The following ZMYND8 variants were observed in gnomAD, a reference collection of about 807,000 sequenced individuals.
The protein encoded by ZMYND8 is MYND-type zinc finger-containing chromatin reader ZMYND8.
ZMYND8 carries 37 observed loss-of-function variants against 140.8 expected under a neutral mutation model. The ratio of observed to expected loss-of-function variants is 0.26; its 90% CI spans 0.20 to 0.35. ZMYND8 has a LOEUF of 0.35. Ranked by LOEUF, ZMYND8 falls within the 10% of genes least tolerant of loss-of-function variation. ZMYND8 has a pLI of 1.00. For synonymous variants in ZMYND8, 592 were observed against 597.1 expected, an observed-to-expected ratio of 0.99 and a Z score of 0.12; for missense variants, 1,068 against 1,570.0, an observed-to-expected ratio of 0.68 and a Z score of 5.40.
At chr20:47,268,889 G>A (rs766506381) in intron 11 of ZMYND8, among the ~76,000 whole-genome samples, 7 of 152,126 alleles carry the variant, frequency 4.6e-5, no homozygotes, top group Non-Finnish European at 8.8e-5. Context: ...CTAAAAGAGT[G>A]ATTAACAATC....
rs1015578451 is a variant in ZMYND8 at position 47,210,179 on chromosome 20, G to A, written c.*582C>T. ...TTAGGAACGTGGTAACGTAGTAGCT[G>A]AAAGGAGCCAACGGCTTGATGGGAT... On this transcript the variant is annotated 3_prime_UTR_variant, in exon 23 of 23. Transcript: ENST00000471951. 6.5e-6 allele frequency: 1 copy of A among 152,944 alleles called. No homozygotes were observed. Among genetic ancestry groups the A allele is most frequent in the Non-Finnish European group, 1.5e-5 (1 of 68,236 alleles). 9.5% of individuals were successfully genotyped at this position (152,944 alleles called of 1,614,324 possible). A position where few individuals can be genotyped will look rare whatever the true frequency, so the allele number is the denominator to read the frequency against.
intron 21 of ZMYND8, among the ~76,000 whole-genome samples, chr20:47,216,495 CAAA>C (rs10536216): frequency 1.2e-3 from 70 of 59,448 alleles, no homozygotes; most frequent in African/African-American, 3.9e-3. Flanking sequence ...GACTCTGTCT[CAAA>C]AAAAAAAAAA....
At chr20:47,254,317 C>A (rs1323927801) in intron 12 of ZMYND8, among the ~76,000 whole-genome samples, 5 of 152,160 alleles carry the variant, frequency 3.3e-5, no homozygotes, top group Admixed American at 3.3e-4. Context: ...TGGGCGATAC[C>A]TCTCAAAATG....
At chr20:47,297,645 G>A (rs1204254162) in intron 4 of ZMYND8, among the ~76,000 whole-genome samples, 1 of 152,062 alleles carries the variant, frequency 6.6e-6, no homozygotes, top group Non-Finnish European at 1.5e-5. Context: ...GACAGGTCTT[G>A]AACTCCTGGG....
At chr20:47,234,504 G>C (rs2038957209) in intron 16 of ZMYND8, among the ~76,000 whole-genome samples, 1 of 152,198 alleles carries the variant, frequency 6.6e-6, no homozygotes, top group Non-Finnish European at 1.5e-5. Context: ...TTGAGCCTTT[G>C]TGTGAGTCCC....
At chr20:47,334,595 GAAA>G (rs58024466) in intron 2 of ZMYND8, among the ~76,000 whole-genome samples, 1 of 139,266 alleles carries the variant, frequency 7.2e-6, no homozygotes, top group African/African-American at 2.7e-5. Context: ...ACAACTCTGT[GAAA>G]AAAAAAAATA....
chr20:47,305,904 T>C (rs887369289), intron 3 of ZMYND8, among the ~76,000 whole-genome samples: 18 of 152,266 alleles, frequency 1.2e-4, no homozygotes, highest in African/African-American at 4.1e-4. Context: ...GGGCAAGGCA[T>C]TTCTTGCCCC....
Position 47,239,094 on chromosome 20 carries a change from G to A in ZMYND8, c.2329C>T (p.Pro777Ser), listed in dbSNP as rs769574932. The A allele has an allele frequency of 6.6e-6, 10 of 1,521,284 alleles. No individual in the cohort carries two copies. Among genetic ancestry groups the A allele is most frequent in the African/African-American group, 1.4e-5 (1 of 72,184 alleles). 94.2% of individuals were successfully genotyped at this position (1,521,284 alleles called of 1,614,324 possible). ...PPSTTVGSHS[P>S]PETPVLTRSS... ...CGGGTGAGCACCGGTGTTTCCGGGG[G>A]AGAATGGCTGCCCACCGTCGTGGAT... Residue 777 changes from proline to serine, a missense_variant, in exon 15 of 23, where the codon CCC becomes TCC. By Grantham distance (74) the Pro-to-Ser change is moderately conservative. Around this residue, in one of 10 missense-constraint regions of ZMYND8, gnomAD observed 383 missense variants for 431.2 expected, o/e 0.89. Transcript: ENST00000471951.
At chr20:47,341,130 C>T (rs1003671836) in intron 2 of ZMYND8, among the ~76,000 whole-genome samples, 3 of 151,860 alleles carry the variant, frequency 2.0e-5, no homozygotes, top group African/African-American at 4.9e-5. Context: ...TGTGGTAATG[C>T]GAAAAGGTCA....
At chr20:47,290,316 A>T in intron 6 of ZMYND8, 42 bp from the exon 7 acceptor site, 2 of 1,572,904 alleles carry the variant, frequency 1.3e-6, no homozygotes, top group Non-Finnish European at 1.7e-6. Flanking sequence ...GTGAGTCTAG[A>T]CAAGCCACAG....
chr20:47,212,523 T>C, intron 22 of ZMYND8, 119 bp downstream of exon 22: 6 of 1,182,244 alleles, frequency 5.1e-6, no homozygotes, highest in Non-Finnish European at 6.2e-6. Context: ...GACCCACAAC[T>C]CAAAAGAACA....
Position 47,239,152 on chromosome 20 carries a change from G to A in ZMYND8, c.2285-14C>T. The A allele has an allele frequency of 6.7e-7, 1 of 1,484,122 alleles. No individual in the cohort carries two copies. Among genetic ancestry groups the A allele is most frequent in the Admixed American group, 2.3e-5 (1 of 43,382 alleles). The allele number at this position is 1,484,122 out of a possible 1,614,324, so 91.9% of individuals were successfully genotyped here. A position where few individuals can be genotyped will look rare whatever the true frequency, so the allele number is the denominator to read the frequency against. On this transcript the variant is annotated splice_polypyrimidine_tract_variant and intron_variant, in intron 14 of 22. Coordinates refer to ENST00000471951, the MANE Select transcript of ZMYND8 (RefSeq NM_001281775.3). Reference sequence around the variant, plus strand: ...TTTTACCTACAACTAGCCAATGCATGAAGAAAAAACAAACAAAAACCGGAT... The same window carrying A: ...TTTTACCTACAACTAGCCAATGCATAAAGAAAAAACAAACAAAAACCGGAT...
intron 14 of ZMYND8, among the ~76,000 whole-genome samples, chr20:47,242,378 A>C (rs1325714874): frequency 1.3e-5 from 2 of 152,156 alleles, no homozygotes; most frequent in Non-Finnish European, 2.9e-5. Context: ...TGCAGTGAAG[A>C]ACTCCGATGC....
At chr20:47,327,569 T>C (rs1005041156) in intron 2 of ZMYND8, among the ~76,000 whole-genome samples, 3 of 151,756 alleles carry the variant, frequency 2.0e-5, no homozygotes, top group Admixed American at 6.6e-5. Flanking sequence ...GGCAGGAGAA[T>C]TGCTTGAACC....
At chr20:47,265,107 A>G (rs574786304) in intron 11 of ZMYND8, among the ~76,000 whole-genome samples, 36 of 149,278 alleles carry the variant, frequency 2.4e-4, no homozygotes, top group African/African-American at 8.3e-4. Flanking sequence ...AATCTTTAGC[A>G]TTAGAATTTT....
At chr20:47,356,588 C>T in intron 1 of ZMYND8, 69 bp downstream of exon 1, 3 of 1,613,994 alleles carry the variant, frequency 1.9e-6, no homozygotes, top group Non-Finnish European at 2.5e-6. Flanking sequence ...AGAGAAATCA[C>T]ACTGCTCGCC....
chr20:47,221,825 C>T (rs1439651814), intron 19 of ZMYND8, among the ~76,000 whole-genome samples: 1 of 152,162 alleles, frequency 6.6e-6, no homozygotes, highest in Non-Finnish European at 1.5e-5. Context: ...ACCACCATGT[C>T]CGACTAATTT....
intron 2 of ZMYND8, among the ~76,000 whole-genome samples, chr20:47,336,015 T>A (rs990208215): frequency 6.6e-6 from 1 of 152,236 alleles, no homozygotes; most frequent in Non-Finnish European, 1.5e-5. Flanking sequence ...TTAAAAATAC[T>A]GATGCTCATT....
At chr20:47,356,336 A>G in intron 1 of ZMYND8, 2 of 1,416,014 alleles carry the variant, frequency 1.4e-6, no homozygotes, top group Non-Finnish European at 1.9e-6. Flanking sequence ...AGGGAAAGAA[A>G]AAAAAAAAAA....
Sources: gnomAD v4.1 joint callset for allele counts (sites outside exome capture counted in the v4.1 genomes callset) on GRCh38, gnomAD v4.1.1 for gene constraint, gnomAD v4.1.1 regional missense constraint, MANE v1.5 for transcripts, NCBI Gene and HGNC (gene_info 2026-07-23, HGNC 2026-07-21) for gene names.